The following ME1 variants were observed in gnomAD, a reference collection of about 807,000 sequenced individuals.
ME1 encodes NADP-dependent malic enzyme.
ME1 carries 74 observed loss-of-function variants against 66.4 expected under a neutral mutation model. The observed-to-expected ratio is 1.11, with a 90% confidence interval of 0.92 to 1.35. The LOEUF (loss-of-function observed/expected upper bound fraction) is 1.35. ME1 is among the 40% of genes most tolerant of loss of function. ME1 has a pLI of 0.00. For synonymous variants in ME1, 251 were observed against 235.6 expected (o/e 1.07, Z -0.60); for missense variants, 750 against 694.1 (o/e 1.08, Z -0.90).
intron 3 of ME1, among the ~76,000 whole-genome samples, chr6:83,357,350 T>C (rs1180632659): frequency 6.6e-6 from 1 of 152,238 alleles, no homozygotes. Flanking sequence ...TACTGTTTCT[T>C]CATCCAACTT....
intron 5 of ME1, among the ~76,000 whole-genome samples, chr6:83,322,427 C>T (rs1768197893): frequency 2.0e-5 from 3 of 152,038 alleles, no homozygotes; most frequent in Admixed American, 2.0e-4. Context: ...AGAGGAATTG[C>T]TAACTAGAAT....
At chr6:83,265,563 A>C (rs996082720) in intron 6 of ME1, among the ~76,000 whole-genome samples, 33 of 152,132 alleles carry the variant, frequency 2.2e-4, no homozygotes, top group African/African-American at 7.7e-4. Context: ...AGCCTCCCAA[A>C]GTGCTGGGAT....
chr6:83,317,338 C>T (rs983370994), intron 5 of ME1, among the ~76,000 whole-genome samples: 4 of 151,714 alleles, frequency 2.6e-5, no homozygotes, highest in African/African-American at 9.7e-5. Flanking sequence ...CTTTTATTTC[C>T]TTGAGCAGTG....
At chr6:83,364,791 C>G (rs1317765973) in intron 3 of ME1, among the ~76,000 whole-genome samples, 1 of 152,204 alleles carries the variant, frequency 6.6e-6, no homozygotes, top group African/African-American at 2.4e-5. Context: ...ATACTTCCAA[C>G]AGGGTTCATT....
chr6:83,413,453 G>C (rs1562007551), intron 1 of ME1, among the ~76,000 whole-genome samples: 1 of 151,654 alleles, frequency 6.6e-6, no homozygotes, highest in African/African-American at 2.4e-5. Flanking sequence ...ATGTGACCTT[G>C]CAAATAATAT....
chr6:83,235,924 T>A (rs917258964), intron 9 of ME1, among the ~76,000 whole-genome samples: 2 of 152,034 alleles, frequency 1.3e-5, no homozygotes, highest in African/African-American at 4.8e-5. Context: ...TTTTCTAGCT[T>A]TAAAGGAACA....
At chr6:83,257,892 A>G (rs1221588075) in intron 6 of ME1, among the ~76,000 whole-genome samples, 1 of 152,140 alleles carries the variant, frequency 6.6e-6, no homozygotes, top group African/African-American at 2.4e-5. Flanking sequence ...CCAATGTATC[A>G]TATACTGGTG....
At chr6:83,402,371 T>C (rs1027627400) in intron 2 of ME1, among the ~76,000 whole-genome samples, 10 of 152,100 alleles carry the variant, frequency 6.6e-5, no homozygotes, top group Non-Finnish European at 7.4e-5. Context: ...ACTAGCAAAA[T>C]TTCTCCTTTC....
intron 7 of ME1, among the ~76,000 whole-genome samples, chr6:83,242,124 A>T (rs1790519945): frequency 6.6e-6 from 1 of 152,144 alleles, no homozygotes; most frequent in South Asian, 2.1e-4. Context: ...CAGCCTCCCA[A>T]AGTGCTGGGA....
chr6:83,236,966 G>A (rs1167369439), intron 9 of ME1, among the ~76,000 whole-genome samples: 1 of 151,778 alleles, frequency 6.6e-6, no homozygotes, highest in Non-Finnish European at 1.5e-5. Flanking sequence ...TTGGGAGGCT[G>A]AGGCAGGAGG....
chr6:83,363,492 T>C (rs1402942262), intron 3 of ME1, among the ~76,000 whole-genome samples: 2 of 152,164 alleles, frequency 1.3e-5, no homozygotes, highest in South Asian at 2.1e-4. Flanking sequence ...TTAAGGTCAA[T>C]GAGAAACTAC....
intron 6 of ME1, among the ~76,000 whole-genome samples, chr6:83,297,119 C>T (rs1383902576): frequency 2.0e-5 from 3 of 152,056 alleles, no homozygotes; most frequent in African/African-American, 7.2e-5. Context: ...CTCCTTGCTA[C>T]CCAAGGGATG....
chr6:83,214,647 A>G (rs1789957821), intron 13 of ME1, among the ~76,000 whole-genome samples: 1 of 152,186 alleles, frequency 6.6e-6, no homozygotes, highest in South Asian at 2.1e-4. Context: ...TTTCCTTTCT[A>G]TACTTGCTTT....
chr6:83,359,352 T>C (rs185993359), intron 3 of ME1, among the ~76,000 whole-genome samples: 3 of 152,298 alleles, frequency 2.0e-5, no homozygotes, highest in Admixed American at 2.0e-4. Flanking sequence ...AGGTGCGTTA[T>C]GCTTGAAAAG....
chr6:83,235,889 T>C (rs1205282592), intron 9 of ME1, among the ~76,000 whole-genome samples: 1 of 152,140 alleles, frequency 6.6e-6, no homozygotes, highest in Non-Finnish European at 1.5e-5. Flanking sequence ...CATATTTATG[T>C]ATATTAATTT....
intron 6 of ME1, among the ~76,000 whole-genome samples, chr6:83,264,678 G>A (rs913385742): frequency 1.4e-4 from 21 of 152,112 alleles, no homozygotes; most frequent in Admixed American, 7.9e-4. Flanking sequence ...AGATGTGGTG[G>A]AAATAACAAG....
At chr6:83,252,605 G>C (rs1002255156) in intron 7 of ME1, among the ~76,000 whole-genome samples, 8 of 152,056 alleles carry the variant, frequency 5.3e-5, no homozygotes, top group South Asian at 2.1e-4. Flanking sequence ...TTTAAATAAA[G>C]ACATGGGTGT....
Position 83,216,586 on chromosome 6 carries a change from T to C in ME1, c.1460A>G (p.Gln487Arg). The C allele has an allele frequency of 6.2e-7, 1 of 1,607,178 alleles. No individual in the cohort carries two copies. The highest frequency in any genetic ancestry group is 1.1e-5 in the South Asian group (1 of 90,238). ...TTCCAAGTGTTTATCTGACACTTGC[T>C]GAGCTATAACCTTATGAAAAAAAGA... ...IFLTTAEVIA[Q>R]QVSDKHLEEG... is the part of the protein sequence containing the mutation. The change falls in exon 13 of 14, where the codon CAG becomes CGG. Residue 487 changes from glutamine (Q) to arginine (R), a missense_variant. Coordinates refer to ENST00000369705, the MANE Select transcript of ME1 (RefSeq NM_002395.6).
chr6:83,356,062 C>T lies in ME1; in HGVS notation c.363-3923G>A, dbSNP rs139587228. The stretch of plus-strand genomic sequence containing the variant: ...TTTGGGAGATGAGATAATATTCTTA[C>T]TTCTTCATGTTATCTCAGATAATAT... On this transcript the variant is annotated intron_variant, in intron 3 of 13. Transcript: ENST00000369705. Among the ~76,000 whole-genome samples, 810 of 152,190 alleles carry T rather than the reference C, an allele frequency of 5.3e-3. 7 individuals are homozygous for T. Among genetic ancestry groups the T allele is most frequent in the African/African-American group, 0.018 (757 of 41,540 alleles).
Sources: gnomAD v4.1 joint callset for allele counts (sites outside exome capture counted in the v4.1 genomes callset) on GRCh38, gnomAD v4.1.1 for gene constraint, MANE v1.5 for transcripts, NCBI Gene and HGNC (gene_info 2026-07-23, HGNC 2026-07-21) for gene names.